The following NR3C1 variants were observed in gnomAD, a reference collection of about 807,000 sequenced individuals.
NR3C1 encodes glucocorticoid receptor.
A neutral mutation model predicts 74.0 loss-of-function variants in NR3C1; 14 were observed. That is an observed-to-expected ratio of 0.19 (90% CI 0.12 to 0.30). The LOEUF (loss-of-function observed/expected upper bound fraction) is 0.30. NR3C1 is among the 10% of genes least tolerant of loss of function. The probability of loss-of-function intolerance (pLI) is 1.00; values close to 1 mark genes in which losing one functional copy is unlikely to be tolerated. For missense variants in NR3C1, 695 were observed against 909.8 expected (o/e 0.76, Z 3.04); for synonymous variants, 308 against 332.5 (o/e 0.93, Z 0.80).
chr5:143,299,898 T>C (rs1051504101), intron 5 of NR3C1, among the ~76,000 whole-genome samples: 5 of 152,208 alleles, frequency 3.3e-5, no homozygotes, highest in African/African-American at 1.2e-4. Flanking sequence ...CCCTAACTAT[T>C]TGCGTGAACA....
At chr5:143,422,846 A>G (rs1600680867) in intron 1 of NR3C1, among the ~76,000 whole-genome samples, 1 of 152,330 alleles carries the variant, frequency 6.6e-6, no homozygotes. Flanking sequence ...AGAATAAATG[A>G]GATGCCCCTT....
chr5:143,283,651 C>CT (rs1401996712), intron 7 of NR3C1, among the ~76,000 whole-genome samples: 3 of 152,206 alleles, frequency 2.0e-5, no homozygotes, highest in African/African-American at 7.2e-5. Flanking sequence ...TCTGTCCTTC[C>CT]TTATGTACAT....
At position 143,277,989 on chromosome 5, in the gene NR3C1, T is replaced by C. The variant is rs1481539211; in HGVS notation, c.*3900A>G. On this transcript the variant is annotated 3_prime_UTR_variant, in exon 9 of 9. Coordinates refer to ENST00000394464, the MANE Select transcript of NR3C1 (RefSeq NM_000176.3). ...TCTCCATATTTGGCATTGCTGTAAA[T>C]GGCTAACATTTACTGCCAATTCGGT... 1 of 152,184 alleles carries C rather than the reference T, an allele frequency of 6.6e-6. No individual in the cohort carries two copies. The highest frequency in any genetic ancestry group is 1.5e-5 in the Non-Finnish European group (1 of 68,042). 9.4% of individuals were successfully genotyped at this position (152,184 alleles called of 1,614,324 possible).
chr5:143,297,170 C>G (rs1377434384), intron 6 of NR3C1, among the ~76,000 whole-genome samples: 1 of 151,688 alleles, frequency 6.6e-6, no homozygotes, highest in East Asian at 1.9e-4. Flanking sequence ...AGTACATATC[C>G]CTTAATGAAA....
intron 7 of NR3C1, among the ~76,000 whole-genome samples, chr5:143,284,627 T>C (rs998514936): frequency 6.6e-6 from 1 of 152,188 alleles, no homozygotes; most frequent in African/African-American, 2.4e-5. Context: ...TAAAAGAATT[T>C]CATCCATCTT....
chr5:143,394,352 T>C (rs1359866944), intron 2 of NR3C1, among the ~76,000 whole-genome samples: 1 of 152,008 alleles, frequency 6.6e-6, no homozygotes, highest in African/African-American at 2.4e-5. Context: ...GTCTAGCACT[T>C]GCAGAACCCC....
intron 2 of NR3C1, among the ~76,000 whole-genome samples, chr5:143,350,892 CAGT>C (rs977422158): frequency 7.9e-5 from 12 of 152,160 alleles, no homozygotes; most frequent in African/African-American, 1.2e-4. Flanking sequence ...CTGGTGCCAA[CAGT>C]AGGTTACTGG....
At chr5:143,416,377 A>T (rs1354506841) in intron 1 of NR3C1, among the ~76,000 whole-genome samples, 1 of 152,026 alleles carries the variant, frequency 6.6e-6, no homozygotes, top group East Asian at 1.9e-4. Context: ...CTTGTTTCTC[A>T]ACAGGAATAG....
chr5:143,404,604 GC>G, upstream of NR3C1: 1 of 330,116 alleles, frequency 3.0e-6, no homozygotes, highest in Non-Finnish European at 3.7e-6. Flanking sequence ...CACCCCTCCC[GC>G]CCAATGTGCT....
rs1380541326 is a variant in NR3C1 at position 143,401,168 on chromosome 5, A to G, written c.-13-316T>C. 21 of 360,734 alleles carry G rather than the reference A, an allele frequency of 5.8e-5. No individual in the cohort carries two copies. The Admixed American group carries it at 8.4e-4, about 14-fold the overall frequency. 22.3% of individuals were successfully genotyped at this position (360,734 alleles called of 1,614,324 possible). A position where few individuals can be genotyped will look rare whatever the true frequency, so the allele number is the denominator to read the frequency against. On this transcript the variant is annotated intron_variant, in intron 1 of 8. Coordinates refer to ENST00000394464, the MANE Select transcript of NR3C1 (RefSeq NM_000176.3). ...TAGCTTTGTTAATCACAGACATTAT[A>G]ATTCATTACATCTGATTATTCTGAA... is the stretch of plus-strand genomic sequence containing the variant.
At chr5:143,402,663 C>G in intron 1 of NR3C1, 1 of 985,532 alleles carries the variant, frequency 1.0e-6, no homozygotes, top group Non-Finnish European at 1.2e-6. Flanking sequence ...CGGCCGCAGT[C>G]TCCAAGTTGC....
chr5:143,281,814 A>G lies in NR3C1; in HGVS notation c.*75T>C. ...AAAAATAAAACAACAAAACCTCTAC[A>G]GGACAAACTGATAGTTTATACAATA... On this transcript the variant is annotated 3_prime_UTR_variant, in exon 9 of 9. Coordinates refer to ENST00000394464, the MANE Select transcript of NR3C1 (RefSeq NM_000176.3). 7.0e-7 allele frequency: 1 copy of G among 1,430,686 alleles called. No individual in the cohort carries two copies. Among genetic ancestry groups the G allele is most frequent in the Non-Finnish European group, 9.8e-7 (1 of 1,019,604 alleles). 88.6% of individuals were successfully genotyped at this position (1,430,686 alleles called of 1,614,324 possible). A position where few individuals can be genotyped will look rare whatever the true frequency, so the allele number is the denominator to read the frequency against.
chr5:143,285,022 A>T (rs1272185804), intron 7 of NR3C1, among the ~76,000 whole-genome samples: 1 of 133,032 alleles, frequency 7.5e-6, no homozygotes, highest in African/African-American at 3.1e-5. Context: ...TGTACAATTT[A>T]TGGGTCAGAC....
In NR3C1 at chr5:143,307,231, T is replaced by C. The variant is rs138491871; in HGVS notation, c.1468+2866A>G. On this transcript the variant is annotated intron_variant, in intron 4 of 8. Coordinates refer to ENST00000394464, the MANE Select transcript of NR3C1 (RefSeq NM_000176.3). ...ATTTTATTCATGTAAGAAAAATTTC[T>C]GATGTCCAACAAAAGATTCAACTGG... Among the ~76,000 whole-genome samples the C allele has an allele frequency of 6.8e-4, 103 of 152,314 alleles. 2 individuals are homozygous for C. The East Asian group carries it at 0.015, about 22-fold the overall frequency.
chr5:143,369,540 A>G (rs189333052), intron 2 of NR3C1, among the ~76,000 whole-genome samples: 1 of 152,358 alleles, frequency 6.6e-6, no homozygotes, highest in African/African-American at 2.4e-5. Context: ...AAGTGCTGTT[A>G]CATGCTACAA....
At chr5:143,351,632 T>C (rs1218019641) in intron 2 of NR3C1, among the ~76,000 whole-genome samples, 2 of 152,176 alleles carry the variant, frequency 1.3e-5, no homozygotes, top group African/African-American at 4.8e-5. Context: ...AAAATGGTGT[T>C]TTAGCATTTA....
At chr5:143,394,701 G>T (rs1250574673) in intron 2 of NR3C1, among the ~76,000 whole-genome samples, 1 of 151,836 alleles carries the variant, frequency 6.6e-6, no homozygotes, top group Non-Finnish European at 1.5e-5. Context: ...TCAAAAATTA[G>T]TATTATATAG....
At chr5:143,322,933 C>G (rs1392693340) in intron 2 of NR3C1, among the ~76,000 whole-genome samples, 1 of 152,182 alleles carries the variant, frequency 6.6e-6, no homozygotes, top group African/African-American at 2.4e-5. Context: ...CACTCAGGTC[C>G]CTACATATCC....
intron 4 of NR3C1, among the ~76,000 whole-genome samples, chr5:143,304,452 T>C (rs1238509407): frequency 1.4e-4 from 21 of 152,050 alleles, no homozygotes; most frequent in Admixed American, 1.3e-3. Context: ...CATGGACTGG[T>C]AGAATCAGTA....
Sources: allele counts gnomAD v4.1 joint callset (sites outside exome capture counted in the v4.1 genomes callset), GRCh38; gene constraint gnomAD v4.1.1; transcripts MANE v1.5; gene names NCBI Gene and HGNC (gene_info 2026-07-23, HGNC 2026-07-21).